Variants in PNLIPRP3 observed in about 807,000 individuals in gnomAD.
The protein encoded by PNLIPRP3 is pancreatic lipase related protein 3, also known as pancreatic lipase-related protein 3.
PNLIPRP3 carries 58 observed loss-of-function variants against 52.8 expected under a neutral mutation model. The observed-to-expected ratio is 1.10, with a 90% CI of 0.89 to 1.37. The LOEUF is 1.37. Ranked by LOEUF, PNLIPRP3 falls within the 40% of genes most tolerant of loss-of-function variation. PNLIPRP3 has a pLI of 0.00. For synonymous variants in PNLIPRP3, 192 were observed against 185.0 expected (o/e 1.04, Z -0.31); for missense variants, 593 against 561.6 (o/e 1.06, Z -0.57).
chr10:116,436,751 T>C lies in PNLIPRP3; in HGVS notation c.90T>C (p.Asp30=), dbSNP rs1007135975. The C allele has an allele frequency of 6.2e-7, 1 of 1,613,172 alleles. No individual in the cohort carries two copies. Among genetic ancestry groups the C allele is most frequent in the Non-Finnish European group, 8.5e-7 (1 of 1,179,648 alleles). ...VCYERLGCFK[D]GLPWTRTFST... ...ATGAAAGGTTAGGGTGTTTCAAAGATGGTTTACCATGGACCAGGACTTTCT... is the reference window on the plus strand; with the variant it reads ...ATGAAAGGTTAGGGTGTTTCAAAGACGGTTTACCATGGACCAGGACTTTCT... Residue 30 remains aspartate, a synonymous_variant, in exon 2 of 12, where the codon GAT becomes GAC. Transcript: ENST00000369230.
At chr10:116,438,486 A>C (rs1487471453) in intron 2 of PNLIPRP3, among the ~76,000 whole-genome samples, 7 of 152,218 alleles carry the variant, frequency 4.6e-5, no homozygotes, top group Non-Finnish European at 8.8e-5. Flanking sequence ...TCTACTCACC[A>C]GACACACATA....
At chr10:116,471,698 C>T in intron 9 of PNLIPRP3, 70 bp from the exon 10 acceptor site, 1 of 1,155,312 alleles carries the variant, frequency 8.7e-7, no homozygotes, top group Non-Finnish European at 1.3e-6. Context: ...ATTAAAGGAT[C>T]CAGGAAGTCA....
At chr10:116,461,109 C>G in intron 6 of PNLIPRP3, 24 bp downstream of exon 6, 1 of 1,614,118 alleles carries the variant, frequency 6.2e-7, no homozygotes, top group Non-Finnish European at 8.5e-7. Context: ...GAATCAGAAA[C>G]TTCATTGAAG....
chr10:116,429,411 G>A (rs980810517), intron 1 of PNLIPRP3, among the ~76,000 whole-genome samples: 1 of 152,134 alleles, frequency 6.6e-6, no homozygotes, highest in Non-Finnish European at 1.5e-5. Flanking sequence ...GCTTGGCATG[G>A]GATTTGGGAC....
intron 5 of PNLIPRP3, among the ~76,000 whole-genome samples, chr10:116,456,068 C>T (rs980926324): frequency 6.6e-5 from 10 of 152,138 alleles, no homozygotes; most frequent in Admixed American, 1.3e-4. Context: ...TTCCCTCACC[C>T]GCAATTGAAT....
In PNLIPRP3 at chr10:116,443,797, GTGTGCA is replaced by G. The variant is rs1326997504; in HGVS notation, c.325-583_325-578del. Among the ~76,000 whole-genome samples the G allele has an allele frequency of 2.3e-3, 272 of 120,108 alleles. 13 individuals are homozygous for G. The highest frequency in any genetic ancestry group is 8.7e-3 in the Admixed American group (100 of 11,556). The allele number at this position is 120,108 out of a possible 152,430, so 78.8% of individuals were successfully genotyped here. ...TGTGTGTGTGTGTGTATGTATGTGT[GTGTGCA>G]TATATATATATATATATATATATAT... is the stretch of plus-strand genomic sequence containing the variant. On this transcript the variant is annotated intron_variant, in intron 3 of 11. Coordinates refer to ENST00000369230, the MANE Select transcript of PNLIPRP3 (RefSeq NM_001011709.3).
At chr10:116,444,674 T>C (rs1845917704) in intron 4 of PNLIPRP3, among the ~76,000 whole-genome samples, 161 bp downstream of exon 4, 1 of 152,224 alleles carries the variant, frequency 6.6e-6, no homozygotes, top group South Asian at 2.1e-4. Flanking sequence ...GAAAAGTTTC[T>C]TCGCAGTAAA....
chr10:116,436,686 C>A (rs1210603896), intron 1 of PNLIPRP3, 25 bp from the exon 2 acceptor site: 2 of 1,582,162 alleles, frequency 1.3e-6, no homozygotes, highest in East Asian at 2.2e-5. Flanking sequence ...TTCCTCTATA[C>A]TGACACTCCA....
intron 4 of PNLIPRP3, among the ~76,000 whole-genome samples, chr10:116,448,569 C>T (rs947385618): frequency 1.3e-5 from 2 of 151,982 alleles, no homozygotes; most frequent in Middle Eastern, 3.2e-3. Context: ...AATAGTGGTC[C>T]GATGTGGTGG....
intron 7 of PNLIPRP3, among the ~76,000 whole-genome samples, chr10:116,461,657 C>T (rs1354941289): frequency 1.3e-5 from 2 of 152,154 alleles, no homozygotes; most frequent in East Asian, 3.9e-4. Flanking sequence ...TGATGGAGTT[C>T]ATTTTCTAAC....
At chr10:116,465,010 G>A (rs1225411710) in intron 7 of PNLIPRP3, among the ~76,000 whole-genome samples, 1 of 152,178 alleles carries the variant, frequency 6.6e-6, no homozygotes, top group African/African-American at 2.4e-5. Context: ...GGAAGAAAGA[G>A]GTTACACAGA....
chr10:116,450,341 G>A (rs112741214), intron 4 of PNLIPRP3, among the ~76,000 whole-genome samples: 5,478 of 152,060 alleles, frequency 0.036, 236 homozygotes, highest in African/African-American at 0.076. Context: ...TTTATGTGTG[G>A]CCCAAGACAA....
intron 5 of PNLIPRP3, among the ~76,000 whole-genome samples, chr10:116,456,285 A>G (rs1032272794): frequency 6.6e-6 from 1 of 152,208 alleles, no homozygotes; most frequent in Non-Finnish European, 1.5e-5. Flanking sequence ...CAGAAATTAC[A>G]GTTAACAATA....
chr10:116,435,685 TG>T (rs1845764895), intron 1 of PNLIPRP3, among the ~76,000 whole-genome samples: 1 of 152,224 alleles, frequency 6.6e-6, no homozygotes, highest in Non-Finnish European at 1.5e-5. Flanking sequence ...TTCACGATGT[TG>T]AGCATCTTTT....
At chr10:116,466,680 A>T (rs781188215) in intron 8 of PNLIPRP3, among the ~76,000 whole-genome samples, 2 of 152,200 alleles carry the variant, frequency 1.3e-5, no homozygotes, top group Non-Finnish European at 2.9e-5. Flanking sequence ...ACAAACTACC[A>T]AATCTGATTT....
chr10:116,439,047 G>A (rs1422771300), intron 2 of PNLIPRP3, among the ~76,000 whole-genome samples: 1 of 152,182 alleles, frequency 6.6e-6, no homozygotes, highest in Non-Finnish European at 1.5e-5. Context: ...GAGAGTTCCT[G>A]TTTAATGGGT....
At chr10:116,467,540 C>A (rs1846299943) in intron 8 of PNLIPRP3, among the ~76,000 whole-genome samples, 1 of 152,150 alleles carries the variant, frequency 6.6e-6, no homozygotes, top group Admixed American at 6.5e-5. Context: ...GTTCACATTT[C>A]ATTCCTTTTC....
intron 2 of PNLIPRP3, among the ~76,000 whole-genome samples, chr10:116,442,009 T>C (rs1027734281): frequency 6.6e-6 from 1 of 152,164 alleles, no homozygotes; most frequent in Non-Finnish European, 1.5e-5. Context: ...TTAATTGCAT[T>C]ACTATTAAAC....
intron 5 of PNLIPRP3, among the ~76,000 whole-genome samples, chr10:116,459,531 A>G (rs1846161020): frequency 6.6e-6 from 1 of 152,178 alleles, no homozygotes; most frequent in Non-Finnish European, 1.5e-5. Context: ...TGACCACATC[A>G]TGTCCAAACT....
Sources: gnomAD v4.1 joint callset for allele counts (sites outside exome capture counted in the v4.1 genomes callset) on GRCh38, gnomAD v4.1.1 for gene constraint, MANE v1.5 for transcripts, NCBI Gene and HGNC (gene_info 2026-07-23, HGNC 2026-07-21) for gene names.